SVOP: variants seen among roughly 807,000 people sequenced by gnomAD.
The protein encoded by SVOP is SV2 related protein.
Under a neutral mutation model 69.1 loss-of-function variants are expected in SVOP, and 17 were observed. That is an observed-to-expected ratio of 0.25 (90% confidence interval 0.17 to 0.37). The LOEUF (loss-of-function observed/expected upper bound fraction) is 0.37. SVOP is among the 10% of genes least tolerant of loss of function. SVOP has a pLI of 1.00. For missense variants in SVOP, 435 were observed against 597.5 expected, an observed-to-expected ratio of 0.73 and a Z score of 2.84; for synonymous variants, 238 against 238.6, an observed-to-expected ratio of 1.00 and a Z score of 0.02.
rs572041958 is a variant in SVOP at position 108,917,467 on chromosome 12, A to C, written c.1350+576T>G. 2.6e-5 allele frequency among the ~76,000 whole-genome samples: 4 copies of C among 152,324 alleles called. No individual in the cohort carries two copies. The South Asian group carries it at 8.3e-4, about 32-fold the overall frequency. ...AGGAAAATTCTCCTCATAGGGCCCT[A>C]CTATCAGGGATATCTTTGGAATGTA... On this transcript the variant is annotated intron_variant, in intron 14 of 15. Transcript: ENST00000610966.
intron 1 of SVOP, among the ~76,000 whole-genome samples, chr12:109,013,650 A>G (rs2040353994): frequency 6.6e-6 from 1 of 152,164 alleles, no homozygotes. Context: ...TTAGCCTCCC[A>G]AAGTGCTGGG....
chr12:108,980,794 G>A (rs943464671), intron 2 of SVOP, among the ~76,000 whole-genome samples: 170 of 150,592 alleles, frequency 1.1e-3, no homozygotes, highest in African/African-American at 3.9e-3. Context: ...GTGTGGTGGC[G>A]CATGCCTGTA....
Position 109,008,964 on chromosome 12 carries a change from T to C in SVOP, c.35+11870A>G, listed in dbSNP as rs796451270. 5.9e-3 allele frequency among the ~76,000 whole-genome samples: 841 copies of C among 141,758 alleles called. 8 individuals carry two copies. The highest frequency in any genetic ancestry group is 0.031 in the South Asian group (131 of 4,254). The allele number at this position is 141,758 out of a possible 152,430, so 93.0% of individuals were successfully genotyped here. On this transcript the variant is annotated intron_variant, in intron 1 of 15. Coordinates refer to ENST00000610966, the MANE Select transcript of SVOP (RefSeq NM_018711.5). The stretch of plus-strand genomic sequence containing the variant: ...AACTTTTTTTTTCTTTTCTTTCTTT[T>C]TTTTTTTTTTTTTTTGAGATGGAGT...
intron 5 of SVOP, among the ~76,000 whole-genome samples, chr12:108,968,218 G>C (rs1303548831): frequency 6.6e-6 from 1 of 152,198 alleles, no homozygotes; most frequent in Admixed American, 6.5e-5. Context: ...AGTATTTATT[G>C]AGTGTGCACT....
At chr12:108,995,682 C>G (rs1346722431) in intron 1 of SVOP, among the ~76,000 whole-genome samples, 5 of 152,182 alleles carry the variant, frequency 3.3e-5, no homozygotes, top group Admixed American at 6.5e-5. Context: ...GGGCAGACCA[C>G]TTGAGGTCAG....
At chr12:108,963,346 A>G (rs1270395341) in intron 5 of SVOP, among the ~76,000 whole-genome samples, 2 of 152,234 alleles carry the variant, frequency 1.3e-5, no homozygotes, top group African/African-American at 4.8e-5. Flanking sequence ...AAATGACTTT[A>G]TGTGGCAGAG....
chr12:108,997,095 T>C (rs1331020146), intron 1 of SVOP, among the ~76,000 whole-genome samples: 4 of 152,168 alleles, frequency 2.6e-5, no homozygotes, highest in Admixed American at 2.6e-4. Flanking sequence ...CGCAGGTCAG[T>C]GGGTGCGTGC....
At chr12:109,003,592 G>T (rs2040286996) in intron 1 of SVOP, among the ~76,000 whole-genome samples, 1 of 152,118 alleles carries the variant, frequency 6.6e-6, no homozygotes, top group Non-Finnish European at 1.5e-5. Flanking sequence ...TGAGAAAATG[G>T]CTTAGCTCCC....
intron 1 of SVOP, among the ~76,000 whole-genome samples, chr12:109,018,105 G>GAATGAATGAATGA (rs1566070595): frequency 0.017 from 1,890 of 110,692 alleles, 16 homozygotes; most frequent in East Asian, 0.028. Flanking sequence ...AGAATGGATG[G>GAATGAATGAATGA]ATGAATGAAT....
At position 108,910,233 on chromosome 12, in the gene SVOP, A is replaced by AT. The variant is rs1320895757; in HGVS notation, c.*2301dup. On this transcript the variant is annotated 3_prime_UTR_variant, in exon 16 of 16. Coordinates refer to ENST00000610966, the MANE Select transcript of SVOP (RefSeq NM_018711.5). ...CGCCTCGGCCTCCAAAAGTGCTGGG[A>AT]TTATAGGCATGAGCCACCATACCCA... 1.3e-5 allele frequency: 2 copies of AT among 152,262 alleles called. No homozygotes were observed. Among genetic ancestry groups the AT allele is most frequent in the African/African-American group, 4.8e-5 (2 of 41,430 alleles). The allele number at this position is 152,262 out of a possible 1,614,324, so 9.4% of individuals were successfully genotyped here. A position where few individuals can be genotyped will look rare whatever the true frequency, so the allele number is the denominator to read the frequency against.
At chr12:108,928,000 G>T (rs1272521518) in intron 11 of SVOP, among the ~76,000 whole-genome samples, 2 of 151,834 alleles carry the variant, frequency 1.3e-5, no homozygotes, top group Non-Finnish European at 2.9e-5. Flanking sequence ...CCGCCTCCTG[G>T]GTTCAAGCAA....
chr12:108,917,078 G>A (rs10861980), intron 14 of SVOP, among the ~76,000 whole-genome samples: 55,835 of 152,104 alleles, frequency 0.37, 10,779 homozygotes, highest in South Asian at 0.58. Flanking sequence ...AGCTGCTCTC[G>A]TATCAAAACC....
chr12:108,924,283 C>A (rs1048458853), intron 11 of SVOP, among the ~76,000 whole-genome samples: 4 of 152,160 alleles, frequency 2.6e-5, no homozygotes, highest in Non-Finnish European at 5.9e-5. Flanking sequence ...CTAAGTTACC[C>A]AGTCTAAGGT....
intron 7 of SVOP, among the ~76,000 whole-genome samples, chr12:108,944,363 T>G (rs1409351200): frequency 6.6e-6 from 1 of 152,084 alleles, no homozygotes; most frequent in Non-Finnish European, 1.5e-5. Flanking sequence ...TGTGGATCAG[T>G]GGAGCATCAC....
At chr12:108,945,294 C>T in intron 6 of SVOP, 128 bp from the exon 7 acceptor site, 1 of 837,356 alleles carries the variant, frequency 1.2e-6, no homozygotes, top group East Asian at 2.7e-5. Context: ...TCAGAATTTC[C>T]TGAGATGATG....
chr12:108,963,690 T>A (rs1274794311), intron 5 of SVOP, among the ~76,000 whole-genome samples: 1 of 152,004 alleles, frequency 6.6e-6, no homozygotes, highest in African/African-American at 2.4e-5. Context: ...TTTTGCCATG[T>A]TGACCAGGGT....
rs146461367 is a variant in SVOP at position 109,011,958 on chromosome 12, G to A, written c.35+8876C>T. Among the ~76,000 whole-genome samples the A allele has an allele frequency of 1.9e-3, 290 of 152,154 alleles. 2 individuals carry two copies. Among genetic ancestry groups the A allele is most frequent in the African/African-American group, 6.5e-3 (268 of 41,522 alleles). ...ATTACCAGGAGCTTGGTAGGGGCTT[G>A]GAGGAATTAGGGAGTTGCTGCAGGT... On this transcript the variant is annotated intron_variant, in intron 1 of 15. Coordinates refer to ENST00000610966, the MANE Select transcript of SVOP (RefSeq NM_018711.5).
intron 1 of SVOP, among the ~76,000 whole-genome samples, chr12:108,997,245 T>C (rs2040239387): frequency 6.6e-6 from 1 of 152,190 alleles, no homozygotes; most frequent in Non-Finnish European, 1.5e-5. Context: ...ATATTGCGCT[T>C]TTCAGACCGG....
intron 4 of SVOP, 59 bp downstream of exon 4, chr12:108,977,339 C>A (rs138446028): frequency 5.9e-6 from 9 of 1,514,308 alleles, no homozygotes; most frequent in African/African-American, 2.8e-5. Context: ...AGATATCCCA[C>A]AGGACACCCC....
Sources: gnomAD v4.1 joint callset for allele counts (sites outside exome capture counted in the v4.1 genomes callset) on GRCh38, gnomAD v4.1.1 for gene constraint, MANE v1.5 for transcripts, NCBI Gene and HGNC (gene_info 2026-07-23, HGNC 2026-07-21) for gene names.